The following FLT3LG variants were observed in gnomAD, a reference collection of about 807,000 sequenced individuals.
The protein encoded by FLT3LG is fms related receptor tyrosine kinase 3 ligand, also known as fms-related tyrosine kinase 3 ligand.
In FLT3LG, 8 loss-of-function variants were observed where a neutral mutation model predicts 30.9. The observed-to-expected ratio is 0.26, with a 90% CI of 0.15 to 0.47. FLT3LG has a LOEUF of 0.47. FLT3LG is among the 20% of genes least tolerant of loss of function. The probability of loss-of-function intolerance (pLI) is 0.99; values close to 1 mark genes in which losing one functional copy is unlikely to be tolerated. For synonymous variants in FLT3LG, 123 were observed against 135.9 expected (o/e 0.91, Z 0.66); for missense variants, 278 against 306.2 (o/e 0.91, Z 0.69).
At chr19:49,478,565 G>A (rs1424560164) in intron 5 of FLT3LG, among the ~76,000 whole-genome samples, 1 of 152,000 alleles carries the variant, frequency 6.6e-6, no homozygotes, top group Non-Finnish European at 1.5e-5. Context: ...CTGAGGTCAG[G>A]AGTTCGAGAC....
At chr19:49,479,715 C>T in intron 6 of FLT3LG, 2 of 178,282 alleles carry the variant, frequency 1.1e-5, no homozygotes, top group Non-Finnish European at 1.2e-5. Flanking sequence ...ACCGTGTCAG[C>T]CAGGATGGTC....
At chr19:49,483,146 G>A (rs559593866) in intron 8 of FLT3LG, among the ~76,000 whole-genome samples, 1 of 151,782 alleles carries the variant, frequency 6.6e-6, no homozygotes, top group South Asian at 2.1e-4. Flanking sequence ...TTCCTTTTGA[G>A]ATGGATTCTC....
intron 3 of FLT3LG, 37 bp downstream of exon 3, chr19:49,475,838 C>T: frequency 6.3e-7 from 1 of 1,577,214 alleles, no homozygotes; most frequent in Non-Finnish European, 8.6e-7. Context: ...CATGTGATCC[C>T]CCTTCCCCCC....
chr19:49,480,157 T>C (rs556687121), intron 6 of FLT3LG, 141 bp from the exon 7 acceptor site: 2 of 629,850 alleles, frequency 3.2e-6, no homozygotes, highest in Non-Finnish European at 2.8e-6. Context: ...ATGATTATCC[T>C]AGTTTTACAG....
At position 49,476,105 on chromosome 19, in the gene FLT3LG, C is replaced by T. The variant is rs1399118378; in HGVS notation, c.145-40C>T. The T allele has an allele frequency of 1.2e-6, 2 of 1,612,172 alleles. No homozygotes were observed. Among genetic ancestry groups the T allele is most frequent in the Admixed American group, 1.7e-5 (1 of 60,008 alleles). ...TCTGGGTCCCCACAGTTCTGTTTCT[C>T]GCTGTTTTCAGCCAGGCCTGATCCT... On this transcript the variant is annotated intron_variant, in intron 3 of 8. Coordinates refer to ENST00000597551, the MANE Select transcript of FLT3LG (RefSeq NM_001459.4). This position sits in a 1 kb window ranked among gnomAD's most constrained non-coding sequence, Gnocchi z 5.3.
chr19:49,481,386 G>A (rs921672152), intron 8 of FLT3LG: 1 of 152,512 alleles, frequency 6.6e-6, no homozygotes, highest in Non-Finnish European at 1.5e-5. Flanking sequence ...CAAGCCTCCT[G>A]GGACAGGAAG....
intron 8 of FLT3LG, among the ~76,000 whole-genome samples, chr19:49,484,790 C>A (rs896642619): frequency 9.9e-5 from 15 of 152,052 alleles, no homozygotes; most frequent in Non-Finnish European, 8.8e-5. Flanking sequence ...CCGCCCTGCC[C>A]AACTAATACC....
At position 49,476,231 on chromosome 19, in the gene FLT3LG, G is replaced by C. The variant is rs374460840; in HGVS notation, c.198+33G>C. On this transcript the variant is annotated intron_variant, in intron 4 of 8. Transcript: ENST00000597551. The surrounding 1 kb of genome is among the most constrained non-coding windows in gnomAD (Gnocchi z 5.3). ...ATGTTGGGAGGGACCTGGGATGGAG[G>C]TGGGGACCACAGACTCAAGATGCTC... The C allele has an allele frequency of 3.2e-5, 51 of 1,574,654 alleles. No individual in the cohort carries two copies. Among genetic ancestry groups the C allele is most frequent in the Non-Finnish European group, 4.4e-5 (50 of 1,147,660 alleles).
chr19:49,480,615 A>C lies in FLT3LG; in HGVS notation c.*16A>C. On this transcript the variant is annotated 3_prime_UTR_variant, in exon 8 of 9. Coordinates refer to ENST00000597551, the MANE Select transcript of FLT3LG (RefSeq NM_001459.4). ...GGAGCACTGACCTGGCCAAGGCCTC[A>C]TCCTGGTGAGTCCTTCCTGGGCTAT... The C allele has an allele frequency of 6.2e-7, 1 of 1,610,512 alleles. No individual in the cohort carries two copies. The highest frequency in any genetic ancestry group is 8.5e-7 in the Non-Finnish European group (1 of 1,178,478).
chr19:49,475,523 G>A (rs2079360627), intron 2 of FLT3LG, among the ~76,000 whole-genome samples, 168 bp from the exon 3 acceptor site: 1 of 151,954 alleles, frequency 6.6e-6, no homozygotes, highest in Admixed American at 6.6e-5. Context: ...GAGAGAAACC[G>A]GGAAAGACAG....
Position 49,476,074 on chromosome 19 carries a change from G to T in FLT3LG, c.145-71G>T, listed in dbSNP as rs1219778299. ...GTCCCTCTCTCTCTGGATCTCTGCT[G>T]CCACCTCTGGGTCCCCACAGTTCTG... On this transcript the variant is annotated intron_variant, in intron 3 of 8. Transcript: ENST00000597551. The surrounding 1 kb of genome is among the most constrained non-coding windows in gnomAD (Gnocchi z 5.3). 1 of 1,538,590 alleles carries T rather than the reference G, an allele frequency of 6.5e-7. No individual in the cohort carries two copies. The highest frequency in any genetic ancestry group is 1.1e-5 in the South Asian group (1 of 89,648).
rs957533203 is a variant in FLT3LG, at chr19:49,476,345, C to T, written c.199-78C>T. On this transcript the variant is annotated intron_variant, in intron 4 of 8. Coordinates refer to ENST00000597551, the MANE Select transcript of FLT3LG (RefSeq NM_001459.4). This position sits in a 1 kb window ranked among gnomAD's most constrained non-coding sequence, Gnocchi z 5.3. ...CCTCCTCCCTCAGACCCAGGAGCCC[C>T]GGCCCAGCCCCTCCTCCCTCAGACC... 2.2e-5 allele frequency: 34 copies of T among 1,529,818 alleles called. No individual in the cohort carries two copies. The Middle Eastern group carries it at 8.8e-4, about 40-fold the overall frequency. The allele number at this position is 1,529,818 out of a possible 1,614,324, so 94.8% of individuals were successfully genotyped here.
intron 8 of FLT3LG, among the ~76,000 whole-genome samples, chr19:49,483,948 G>A (rs927636283): frequency 4.1e-5 from 6 of 145,036 alleles, no homozygotes; most frequent in South Asian, 2.3e-4. Flanking sequence ...GCAGTGGCAC[G>A]ATCTCGGCTC....
chr19:49,476,143 A>T lies in FLT3LG; in HGVS notation c.145-2A>T. On this transcript the variant is annotated splice_acceptor_variant, in intron 3 of 8. Coordinates refer to ENST00000597551, the MANE Select transcript of FLT3LG (RefSeq NM_001459.4). LOFTEE classifies it high-confidence loss of function. The surrounding 1 kb of genome is among the most constrained non-coding windows in gnomAD (Gnocchi z 5.3). ...CAGGCCTGATCCTGTTTTCTCCCGCAGTCTGACTACCTGCTTCAAGATTAC... is the reference window on the plus strand; with the variant it reads ...CAGGCCTGATCCTGTTTTCTCCCGCTGTCTGACTACCTGCTTCAAGATTAC... 1 of 1,613,818 alleles carries T rather than the reference A, an allele frequency of 6.2e-7. No individual in the cohort carries two copies. Among genetic ancestry groups the T allele is most frequent in the Non-Finnish European group, 8.5e-7 (1 of 1,179,998 alleles).
chr19:49,474,485 G>A (rs1002460191), intron 1 of FLT3LG, 118 bp from the exon 2 acceptor site: 2 of 684,792 alleles, frequency 2.9e-6, no homozygotes, highest in Non-Finnish European at 5.1e-6. Context: ...CCTGGGGGAG[G>A]AAGGGGCGGA....
chr19:49,475,613 C>G, intron 2 of FLT3LG, 78 bp from the exon 3 acceptor site: 2 of 1,532,174 alleles, frequency 1.3e-6, no homozygotes, highest in Non-Finnish European at 1.7e-6. Flanking sequence ...GAAGACAGAA[C>G]AGTACAGGTG....
At chr19:49,479,743 T>C in intron 6 of FLT3LG, 1 of 165,760 alleles carries the variant, frequency 6.0e-6, no homozygotes, top group South Asian at 1.1e-4. Flanking sequence ...CCTGACCTCG[T>C]GATCTGCCCG....
intron 8 of FLT3LG, chr19:49,481,649 A>G (rs546319142): frequency 2.6e-5 from 4 of 152,362 alleles, no homozygotes; most frequent in African/African-American, 9.6e-5. Flanking sequence ...TTGCTCGCAC[A>G]TATAGTGCCT....
At chr19:49,474,941 C>T (rs1291730254) in intron 2 of FLT3LG, among the ~76,000 whole-genome samples, 2 of 79,816 alleles carry the variant, frequency 2.5e-5, no homozygotes, top group African/African-American at 1.1e-4. Context: ...GGGAGATGGA[C>T]AGAGGAGGGG....
Sources: allele counts gnomAD v4.1 joint callset (sites outside exome capture counted in the v4.1 genomes callset), GRCh38; gene constraint gnomAD v4.1.1; non-coding constraint Gnocchi (gnomAD v3.1); transcripts MANE v1.5; gene names NCBI Gene and HGNC (gene_info 2026-07-23, HGNC 2026-07-21).